DAB1: variants seen among roughly 807,000 people sequenced by gnomAD.
DAB1 encodes the protein DAB adaptor protein 1.
A neutral mutation model predicts 64.6 loss-of-function variants in DAB1; 15 were observed. The observed-to-expected ratio is 0.23, with a 90% CI of 0.16 to 0.36. The LOEUF is 0.36. Ranked by LOEUF, DAB1 falls within the 10% of genes least tolerant of loss-of-function variation. The pLI is 1.00. For missense variants in DAB1, 596 were observed against 706.7 expected, an observed-to-expected ratio of 0.84 and a Z score of 1.78; for synonymous variants, 235 against 251.9, an observed-to-expected ratio of 0.93 and a Z score of 0.64.
intron 3 of DAB1, among the ~76,000 whole-genome samples, chr1:58,482,856 C>A (rs764868420): frequency 1.1e-4 from 16 of 151,984 alleles, no homozygotes; most frequent in Non-Finnish European, 2.1e-4. Flanking sequence ...AGGGCAGGAG[C>A]AGATTATGTA....
chr1:58,076,758 C>T (rs563073293), intron 5 of DAB1, among the ~76,000 whole-genome samples: 3 of 152,346 alleles, frequency 2.0e-5, no homozygotes, highest in Admixed American at 2.0e-4. Flanking sequence ...CTCCTCCTCG[C>T]TGCCCTCAAA....
chr1:58,015,089 C>T (rs1027851904), intron 5 of DAB1, among the ~76,000 whole-genome samples: 3 of 152,190 alleles, frequency 2.0e-5, no homozygotes, highest in African/African-American at 7.2e-5. Flanking sequence ...GAGGCAGCTG[C>T]CCCACTTGTA....
intron 2 of DAB1, among the ~76,000 whole-genome samples, chr1:57,198,765 G>A (rs1164449575): frequency 6.6e-6 from 1 of 152,098 alleles, no homozygotes; most frequent in Non-Finnish European, 1.5e-5. Flanking sequence ...TGGAGGAGGA[G>A]AGGAGGTGAT....
chr1:57,055,096 C>A (rs1027341754), intron 9 of DAB1, among the ~76,000 whole-genome samples: 1 of 152,214 alleles, frequency 6.6e-6, no homozygotes, highest in Admixed American at 6.5e-5. Context: ...TTCCTCTCAG[C>A]AAGCATTTAT....
intron 3 of DAB1, among the ~76,000 whole-genome samples, chr1:58,381,361 T>C (rs554432284): frequency 3.7e-4 from 56 of 152,296 alleles, no homozygotes; most frequent in African/African-American, 1.3e-3. Flanking sequence ...AGTAGGGCTT[T>C]TAAGACTATG....
intron 4 of DAB1, among the ~76,000 whole-genome samples, chr1:58,219,430 G>C (rs1393906014): frequency 6.6e-6 from 1 of 152,082 alleles, no homozygotes; most frequent in East Asian, 1.9e-4. Flanking sequence ...TCCTGCAAAG[G>C]CTTCTCTGGT....
At chr1:58,444,610 T>C (rs1160386194) in intron 3 of DAB1, among the ~76,000 whole-genome samples, 8 of 152,090 alleles carry the variant, frequency 5.3e-5, no homozygotes. Context: ...AGATGAAAAA[T>C]TGCACCCTGA....
At chr1:57,929,019 G>T (rs1465374319) in intron 5 of DAB1, among the ~76,000 whole-genome samples, 1 of 152,164 alleles carries the variant, frequency 6.6e-6, no homozygotes, top group East Asian at 1.9e-4. Flanking sequence ...CTGCCAAGCG[G>T]GCTTCCAAAG....
chr1:57,669,560 T>G (rs1646486893), intron 6 of DAB1, among the ~76,000 whole-genome samples: 1 of 152,134 alleles, frequency 6.6e-6, no homozygotes, highest in South Asian at 2.1e-4. Context: ...TTAAATTAAT[T>G]TATGTGAACC....
At chr1:58,160,172 G>A (rs1442228638) in intron 4 of DAB1, among the ~76,000 whole-genome samples, 5 of 152,142 alleles carry the variant, frequency 3.3e-5, no homozygotes, top group Admixed American at 2.0e-4. Flanking sequence ...CTAGGCAGGT[G>A]CAGTTGCAGG....
intron 6 of DAB1, among the ~76,000 whole-genome samples, chr1:57,756,541 G>T (rs1648815709): frequency 1.3e-5 from 2 of 152,094 alleles, no homozygotes; most frequent in Admixed American, 6.6e-5. Flanking sequence ...TTATTGGGGG[G>T]TTTTAATCGG....
chr1:57,805,291 C>T (rs1181264072), intron 6 of DAB1, among the ~76,000 whole-genome samples: 1 of 152,128 alleles, frequency 6.6e-6, no homozygotes, highest in African/African-American at 2.4e-5. Flanking sequence ...GGAAATGAAG[C>T]CCAGCCATTA....
intron 5 of DAB1, among the ~76,000 whole-genome samples, chr1:58,077,555 C>G (rs1266859819): frequency 1.3e-5 from 2 of 152,184 alleles, no homozygotes; most frequent in African/African-American, 4.8e-5. Context: ...CTTGCATTGA[C>G]AATCTTATGT....
At chr1:57,134,919 T>C (rs796116854) in intron 4 of DAB1, among the ~76,000 whole-genome samples, 22 of 152,290 alleles carry the variant, frequency 1.4e-4, no homozygotes, top group African/African-American at 5.3e-4. Flanking sequence ...CTGGTACTTA[T>C]ATTTACCACA....
intron 6 of DAB1, among the ~76,000 whole-genome samples, chr1:57,703,901 C>T (rs1171587852): frequency 6.6e-6 from 1 of 152,074 alleles, no homozygotes; most frequent in Non-Finnish European, 1.5e-5. Flanking sequence ...ACGGATGGAA[C>T]TGGAGGCCCT....
intron 4 of DAB1, among the ~76,000 whole-genome samples, chr1:58,170,274 G>T (rs763809295): frequency 4.6e-5 from 7 of 152,144 alleles, no homozygotes; most frequent in Admixed American, 4.6e-4. Flanking sequence ...AAAAGCCCAA[G>T]AATTATTCAA....
intron 4 of DAB1, among the ~76,000 whole-genome samples, chr1:57,097,871 G>A (rs1254702318): frequency 7.9e-5 from 12 of 152,042 alleles, no homozygotes; most frequent in East Asian, 5.8e-4. Flanking sequence ...TCCGCCTCCC[G>A]GGTTCATGCC....
intron 2 of DAB1, among the ~76,000 whole-genome samples, chr1:57,240,717 G>T (rs932963265): frequency 1.3e-5 from 2 of 152,284 alleles, no homozygotes; most frequent in Non-Finnish European, 2.9e-5. Context: ...AGCTGAGGAG[G>T]CTGGGCTTGA....
intron 4 of DAB1, among the ~76,000 whole-genome samples, chr1:57,127,997 A>T (rs1220436011): frequency 6.6e-6 from 1 of 151,778 alleles, no homozygotes; most frequent in East Asian, 1.9e-4. Flanking sequence ...AAAATACAAA[A>T]ATTAGCCGGC....
Sources: gnomAD v4.1 joint callset for allele counts (sites outside exome capture counted in the v4.1 genomes callset) on GRCh38, gnomAD v4.1.1 for gene constraint, MANE v1.5 for transcripts, NCBI Gene and HGNC (gene_info 2026-07-23, HGNC 2026-07-21) for gene names.